The following CCDC68 variants were observed in gnomAD, a reference collection of about 807,000 sequenced individuals.
CCDC68 encodes the protein coiled-coil domain-containing protein 68.
In CCDC68, 45 loss-of-function variants were observed where a neutral mutation model predicts 47.1. The ratio of observed to expected loss-of-function variants is 0.96; its 90% CI spans 0.75 to 1.23. The LOEUF (loss-of-function observed/expected upper bound fraction) is 1.23. Ranked by LOEUF, CCDC68 falls within the 50% of genes most tolerant of loss-of-function variation. The pLI is 0.00. For synonymous variants in CCDC68, 131 were observed against 129.5 expected (o/e 1.01, Z -0.08); for missense variants, 353 against 373.6 (o/e 0.94, Z 0.45).
chr18:54,943,064 T>C, intron 2 of CCDC68: 1 of 282,298 alleles, frequency 3.5e-6, no homozygotes, highest in Non-Finnish European at 6.6e-6. Context: ...TTATTCAGTA[T>C]CATCTCAGAC....
At chr18:54,907,360 T>C (rs893130406) in intron 11 of CCDC68, among the ~76,000 whole-genome samples, 1 of 152,196 alleles carries the variant, frequency 6.6e-6, no homozygotes, top group African/African-American at 2.4e-5. Context: ...ATTCTTGCCC[T>C]GGTGATATTT....
chr18:54,935,658 C>T (rs2044331792), intron 6 of CCDC68, among the ~76,000 whole-genome samples: 1 of 152,152 alleles, frequency 6.6e-6, no homozygotes, highest in Non-Finnish European at 1.5e-5. Flanking sequence ...CCCTCATCCG[C>T]TTCCCGCTTA....
At chr18:54,941,903 C>G (rs1398915723) in intron 3 of CCDC68, among the ~76,000 whole-genome samples, 1 of 152,154 alleles carries the variant, frequency 6.6e-6, no homozygotes, top group African/African-American at 2.4e-5. Flanking sequence ...TCAAGCGATT[C>G]TCCTGCCTCA....
chr18:54,916,377 A>AT (rs1333330781), intron 10 of CCDC68, among the ~76,000 whole-genome samples: 3 of 152,124 alleles, frequency 2.0e-5, no homozygotes, highest in East Asian at 3.8e-4. Flanking sequence ...TATTATTATG[A>AT]TTTTTTATCT....
At chr18:54,927,707 CTA>C (rs1224414053) in intron 8 of CCDC68, among the ~76,000 whole-genome samples, 2 of 152,180 alleles carry the variant, frequency 1.3e-5, no homozygotes, top group African/African-American at 4.8e-5. Flanking sequence ...CTCTCTTGGG[CTA>C]TATGTTTGTT....
At chr18:54,911,650 G>A (rs117083904) in intron 10 of CCDC68, among the ~76,000 whole-genome samples, 4,579 of 152,166 alleles carry the variant, frequency 0.03, 101 homozygotes, top group Middle Eastern at 0.065. Flanking sequence ...GGCCAAGCAC[G>A]TGCCTAGAAA....
At chr18:54,932,696 G>T (rs571305315) in intron 7 of CCDC68, among the ~76,000 whole-genome samples, 1 of 152,304 alleles carries the variant, frequency 6.6e-6, no homozygotes, top group African/African-American at 2.4e-5. Context: ...ACTGTTGCGA[G>T]TTATTATCAG....
At chr18:54,941,851 A>G (rs528990147) in intron 3 of CCDC68, among the ~76,000 whole-genome samples, 104 of 152,116 alleles carry the variant, frequency 6.8e-4, no homozygotes, top group Non-Finnish European at 1.2e-3. Flanking sequence ...GCTGGAGTGC[A>G]ATGGTGTGAT....
chr18:54,921,493 T>C (rs2044059787), intron 8 of CCDC68, among the ~76,000 whole-genome samples: 1 of 152,136 alleles, frequency 6.6e-6, no homozygotes, highest in Non-Finnish European at 1.5e-5. Context: ...GAGGGGAAGA[T>C]AGGAGAATGT....
intron 7 of CCDC68, among the ~76,000 whole-genome samples, chr18:54,931,661 A>T (rs1277798762): frequency 6.6e-6 from 1 of 152,244 alleles, no homozygotes; most frequent in Non-Finnish European, 1.5e-5. Context: ...CAATGACACT[A>T]GAAAACAAAT....
chr18:54,937,567 T>G (rs1047853162), intron 5 of CCDC68: 1 of 154,282 alleles, frequency 6.5e-6, no homozygotes, highest in Non-Finnish European at 1.4e-5. Flanking sequence ...AATTAATATT[T>G]ATTAAATATG....
At chr18:54,906,633 T>A (rs528742817) in intron 11 of CCDC68, among the ~76,000 whole-genome samples, 2 of 152,332 alleles carry the variant, frequency 1.3e-5, no homozygotes, top group African/African-American at 4.8e-5. Context: ...CCATCCTTCC[T>A]TCCCTTAGAA....
chr18:54,956,326 A>G lies in CCDC68; in HGVS notation c.-103+3010T>C, dbSNP rs907965588. On this transcript the variant is annotated intron_variant, in intron 1 of 11. Transcript: ENST00000591504. ...CTTAACATTGGTTTGTTGGAGAGTT[A>G]CACACAGAAAACACCACTGCTTAAT... Among the ~76,000 whole-genome samples, 18 of 152,330 alleles carry G rather than the reference A, an allele frequency of 1.2e-4. 1 individual carries two copies. The highest frequency in any genetic ancestry group is 4.6e-4 in the Admixed American group (7 of 15,298).
At chr18:54,929,832 G>T (rs553601612) in intron 7 of CCDC68, among the ~76,000 whole-genome samples, 115 of 152,278 alleles carry the variant, frequency 7.6e-4, no homozygotes, top group African/African-American at 2.6e-3. Context: ...TTTGGCCGAG[G>T]TTTTAAACTC....
chr18:54,912,586 G>T (rs563335396), intron 10 of CCDC68, among the ~76,000 whole-genome samples: 2 of 152,162 alleles, frequency 1.3e-5, no homozygotes, highest in South Asian at 4.1e-4. Context: ...TTATAACCAG[G>T]TGTTTAAAAA....
chr18:54,921,127 A>C (rs758534785), intron 8 of CCDC68, among the ~76,000 whole-genome samples: 6 of 152,222 alleles, frequency 3.9e-5, no homozygotes, highest in Non-Finnish European at 5.9e-5. Context: ...TTCCACTTAT[A>C]AGTGGGAGCT....
In CCDC68 at chr18:54,904,193, T is replaced by C; in HGVS notation, c.*165A>G. The C allele has an allele frequency of 3.5e-6, 2 of 567,728 alleles. No individual in the cohort carries two copies. The highest frequency in any genetic ancestry group is 2.6e-5 in the South Asian group (1 of 38,952). 35.2% of individuals were successfully genotyped at this position (567,728 alleles called of 1,614,324 possible). A position where few individuals can be genotyped will look rare whatever the true frequency, so the allele number is the denominator to read the frequency against. On this transcript the variant is annotated 3_prime_UTR_variant, in exon 12 of 12. Coordinates refer to ENST00000591504, the MANE Select transcript of CCDC68 (RefSeq NM_025214.3). Reference sequence around the variant, plus strand: ...GAAGAGTCCATCCATTAAATATAGATTTGTTTGATTTTCTGAAATGTCATC... The same window carrying C: ...GAAGAGTCCATCCATTAAATATAGACTTGTTTGATTTTCTGAAATGTCATC...
At chr18:54,930,875 C>G (rs984534515) in intron 7 of CCDC68, among the ~76,000 whole-genome samples, 3 of 151,290 alleles carry the variant, frequency 2.0e-5, no homozygotes, top group African/African-American at 7.3e-5. Context: ...TGTACCACCA[C>G]GCCCGGCTAA....
At chr18:54,917,428 C>T (rs185763903) in intron 10 of CCDC68, among the ~76,000 whole-genome samples, 122 of 152,180 alleles carry the variant, frequency 8.0e-4, no homozygotes, top group African/African-American at 2.8e-3. Flanking sequence ...AAGCCCATAT[C>T]GAGAGAAGTT....
Sources: gnomAD v4.1 joint callset for allele counts (sites outside exome capture counted in the v4.1 genomes callset) on GRCh38, gnomAD v4.1.1 for gene constraint, MANE v1.5 for transcripts, NCBI Gene and HGNC (gene_info 2026-07-23, HGNC 2026-07-21) for gene names.